Variants in SYBU observed in about 807,000 individuals in gnomAD.
The protein encoded by SYBU is GOLSYN A protein.
In SYBU, 21 loss-of-function variants were observed where a neutral mutation model predicts 35.9. The observed-to-expected ratio is 0.58, with a 90% CI of 0.41 to 0.84. The LOEUF (loss-of-function observed/expected upper bound fraction) is 0.84, where lower values mean the gene tolerates loss of function less well. Among genes scored for constraint, SYBU ranks in the 40% least tolerant of loss-of-function variants. The pLI is 0.00. For synonymous variants in SYBU, 319 were observed against 324.3 expected (o/e 0.98, Z 0.18); for missense variants, 768 against 848.2 (o/e 0.91, Z 1.17).
At chr8:109,662,840 T>C (rs549688246) in intron 1 of SYBU, among the ~76,000 whole-genome samples, 1 of 152,314 alleles carries the variant, frequency 6.6e-6, no homozygotes, top group African/African-American at 2.4e-5. Context: ...TATTTTCAAA[T>C]TATATGTTTG....
At chr8:109,585,159 T>C in intron 4 of SYBU, among the ~76,000 whole-genome samples, 1 of 152,216 alleles carries the variant, frequency 6.6e-6, no homozygotes, top group Non-Finnish European at 1.5e-5. Context: ...TCATAGTAGA[T>C]GCTCAATAAA....
At chr8:109,630,203 C>T (rs1813452676) in intron 2 of SYBU, among the ~76,000 whole-genome samples, 1 of 140,966 alleles carries the variant, frequency 7.1e-6, no homozygotes, top group African/African-American at 2.7e-5. Context: ...TATTCTCACT[C>T]ATAGGTGGGA....
At chr8:109,651,178 G>A (rs937473452) in intron 1 of SYBU, among the ~76,000 whole-genome samples, 6 of 152,164 alleles carry the variant, frequency 3.9e-5, no homozygotes, top group African/African-American at 9.7e-5. Context: ...GGTGGAGACC[G>A]GACCCATCTG....
In SYBU at chr8:109,630,118, T is replaced by C. The variant is rs552621489; in HGVS notation, c.230-11079A>G. ...ATAAAAAATGATGAGTTCATGTCCT[T>C]TGTAGGGACATGGATGAAATTGGAA... On this transcript the variant is annotated intron_variant, in intron 2 of 6. Transcript: ENST00000276646. 4.5e-4 allele frequency among the ~76,000 whole-genome samples: 69 copies of C among 151,742 alleles called. 1 individual carries two copies. Among genetic ancestry groups the C allele is most frequent in the Admixed American group, 4.5e-3 (68 of 15,260 alleles).
In SYBU at chr8:109,653,613, G is replaced by A. The variant is rs569720158; in HGVS notation, c.-129+27098C>T. Among the ~76,000 whole-genome samples the A allele has an allele frequency of 3.9e-5, 6 of 152,226 alleles. No homozygotes were observed. In the South Asian group the frequency reaches 1.0e-3, roughly 26 times the overall value. ...CTGCAGTGGGCCTCAGTGCTGCCTG[G>A]CAATCATTTTGGGCTTCTAGTGCAT... is the stretch of plus-strand genomic sequence containing the variant. On this transcript the variant is annotated intron_variant, in intron 1 of 5. Transcript: ENST00000408889.
upstream of SYBU, among the ~76,000 whole-genome samples, chr8:109,649,630 A>T (rs2130712452): frequency 6.6e-6 from 1 of 152,306 alleles, no homozygotes; most frequent in South Asian, 2.1e-4. Flanking sequence ...TAATCCTCTG[A>T]TGCCTTATGG....
intron 3 of SYBU, among the ~76,000 whole-genome samples, chr8:109,605,487 C>T (rs1357032321): frequency 6.6e-6 from 1 of 152,066 alleles, no homozygotes; most frequent in Non-Finnish European, 1.5e-5. Flanking sequence ...TTTTTTCATT[C>T]AAGTGACTTG....
At chr8:109,668,159 A>G (rs1586980119) in intron 1 of SYBU, among the ~76,000 whole-genome samples, 2 of 68,458 alleles carry the variant, frequency 2.9e-5, no homozygotes, top group South Asian at 5.6e-4. Context: ...GCAGAGGGGG[A>G]GAGGGGGAGA....
At chr8:109,608,008 G>C (rs1233646913) in intron 3 of SYBU, 1 of 1,513,522 alleles carries the variant, frequency 6.6e-7, no homozygotes, top group Non-Finnish European at 8.9e-7. Flanking sequence ...AATACAGTGT[G>C]TGCAGCTCAT....
rs2130793635 is a variant in SYBU at position 109,689,514 on chromosome 8, T to C, written c.-58+1819A>G. On this transcript the variant is annotated intron_variant, in intron 1 of 7. Coordinates refer to the SYBU transcript ENST00000422135. ...TTTTTTTTATATTTGGTATTTTTAG[T>C]GGAGATGGGGTCCCACCATGTTGTC... 1.3e-5 allele frequency among the ~76,000 whole-genome samples: 2 copies of C among 152,120 alleles called. 1 individual carries two copies. Among genetic ancestry groups the C allele is most frequent in the East Asian group, 3.9e-4 (2 of 5,168 alleles).
intron 3 of SYBU, among the ~76,000 whole-genome samples, chr8:109,591,167 G>T (rs1003730422): frequency 1.2e-4 from 18 of 152,182 alleles, no homozygotes; most frequent in African/African-American, 4.3e-4. Context: ...TCCTGGGTGT[G>T]TCGAAGTGAA....
chr8:109,606,084 C>A (rs1826040837), intron 3 of SYBU, among the ~76,000 whole-genome samples: 1 of 152,044 alleles, frequency 6.6e-6, no homozygotes, highest in African/African-American at 2.4e-5. Context: ...GAAACAAAAA[C>A]CACTACTGTA....
In SYBU at chr8:109,607,921, A is replaced by G. The variant is rs187746632; in HGVS notation, c.427+10921T>C. 144 of 1,525,736 alleles carry G rather than the reference A, an allele frequency of 9.4e-5. 1 individual carries two copies. The African/African-American group carries it at 1.6e-3, about 17-fold the overall frequency. 94.5% of individuals were successfully genotyped at this position (1,525,736 alleles called of 1,614,324 possible). A position where few individuals can be genotyped will look rare whatever the true frequency, so the allele number is the denominator to read the frequency against. On this transcript the variant is annotated intron_variant, in intron 3 of 6. Transcript: ENST00000276646. ...ACTAATACTACTTACTTAGAAGGTAAGCTCCATAGACTTTCATGGCAAACA... is the reference window on the plus strand; with the variant it reads ...ACTAATACTACTTACTTAGAAGGTAGGCTCCATAGACTTTCATGGCAAACA...
chr8:109,615,255 A>T lies in SYBU; in HGVS notation c.427+3587T>A, dbSNP rs553149603. Among the ~76,000 whole-genome samples the T allele has an allele frequency of 7.8e-4, 118 of 152,242 alleles. 2 individuals carry two copies. Among genetic ancestry groups the T allele is most frequent in the Admixed American group, 5.4e-3 (83 of 15,306 alleles). On this transcript the variant is annotated intron_variant, in intron 3 of 6. Coordinates refer to ENST00000276646, the MANE Select transcript of SYBU (RefSeq NM_001099754.2). ...GTTATTAATGAGTTGACTTATTTTT[A>T]AAAAAGTAGAGCATGCATCAAGAGT...
intron 2 of SYBU, among the ~76,000 whole-genome samples, chr8:109,626,549 G>T (rs1813002628): frequency 1.3e-5 from 2 of 152,100 alleles, no homozygotes. Context: ...ATATTAGATT[G>T]CCCAAAGTGT....
intron 4 of SYBU, 91 bp from the exon 5 acceptor site, chr8:109,580,093 TTTA>T: frequency 8.0e-7 from 1 of 1,247,596 alleles, no homozygotes; most frequent in Non-Finnish European, 1.2e-6. Context: ...GGAAATCCAA[TTTA>T]TAGAGTTGAA....
intron 2 of SYBU, among the ~76,000 whole-genome samples, chr8:109,623,038 C>A (rs1039398500): frequency 1.2e-5 from 1 of 84,956 alleles, no homozygotes; most frequent in Non-Finnish European, 2.4e-5. Context: ...CGCGCACACA[C>A]ACACACACAC....
upstream of SYBU, among the ~76,000 whole-genome samples, chr8:109,685,505 T>TA (rs1233256671): frequency 1.4e-4 from 21 of 152,326 alleles, no homozygotes; most frequent in East Asian, 3.1e-3. Context: ...GATAAAGCTA[T>TA]AAAAAATCAA....
chr8:109,597,227 C>T (rs762529855), intron 3 of SYBU, among the ~76,000 whole-genome samples: 5 of 152,164 alleles, frequency 3.3e-5, no homozygotes, highest in African/African-American at 1.2e-4. Context: ...ACAACCTCAT[C>T]GAGGGAGAAA....
Sources: allele counts gnomAD v4.1 joint callset (sites outside exome capture counted in the v4.1 genomes callset), GRCh38; gene constraint gnomAD v4.1.1; transcripts MANE v1.5; gene names NCBI Gene and HGNC (gene_info 2026-07-23, HGNC 2026-07-21).